The following DPAGT1 variants were observed in gnomAD, a reference collection of about 807,000 sequenced individuals.
DPAGT1 encodes dolichyl-phosphate N-acetylglucosaminephosphotransferase 1.
DPAGT1 carries 25 observed loss-of-function variants against 39.3 expected under a neutral mutation model. That is an observed-to-expected ratio of 0.64 (90% confidence interval 0.46 to 0.89). The LOEUF (loss-of-function observed/expected upper bound fraction) is 0.89. Among genes scored for constraint, DPAGT1 ranks in the 40% least tolerant of loss-of-function variants. DPAGT1 has a pLI of 0.00. For missense variants in DPAGT1, 381 were observed against 500.6 expected (o/e 0.76, Z 2.28); for synonymous variants, 193 against 201.4 (o/e 0.96, Z 0.36).
chr11:119,097,259 A>G lies in DPAGT1; in HGVS notation c.1044T>C (p.Ser348=). ...ESLQLVTVHQ[S]ETEDGEFTEC... Reference sequence around the variant, plus strand: ...CAGTGAATTCACCATCTTCAGTCTCACTCTGGTGTACTGTCACCAGCTGGA... The same window carrying G: ...CAGTGAATTCACCATCTTCAGTCTCGCTCTGGTGTACTGTCACCAGCTGGA... The change falls in exon 8 of 9, where the codon AGT becomes AGC. Residue 348 remains serine, a synonymous_variant. Transcript: ENST00000354202. The surrounding 1 kb of genome is among the most constrained non-coding windows in gnomAD (Gnocchi z 4.6). The G allele has an allele frequency of 6.2e-7, 1 of 1,614,122 alleles. No individual in the cohort carries two copies. The highest frequency in any genetic ancestry group is 8.5e-7 in the Non-Finnish European group (1 of 1,180,028).
intron 4 of DPAGT1, among the ~76,000 whole-genome samples, chr11:119,099,610 G>A (rs1946457674): frequency 1.3e-5 from 2 of 150,674 alleles, no homozygotes; most frequent in Non-Finnish European, 3.0e-5. Context: ...GCAACATGGT[G>A]AAACCCTGTC....
chr11:119,095,582 G>T, downstream of DPAGT1: 1 of 602,002 alleles, frequency 1.7e-6, no homozygotes, highest in Non-Finnish European at 2.7e-6. Context: ...ACCCTTGGGT[G>T]TCGCGGCTCG....
downstream of DPAGT1, chr11:119,094,584 C>T: frequency 5.8e-6 from 1 of 172,118 alleles, no homozygotes; most frequent in Non-Finnish European, 1.2e-5. Flanking sequence ...GATGGGGCGG[C>T]TGAGTCACGA....
chr11:119,099,753 C>T (rs1946460213), intron 4 of DPAGT1, among the ~76,000 whole-genome samples: 1 of 145,750 alleles, frequency 6.9e-6, no homozygotes, highest in Admixed American at 6.9e-5. Context: ...TGCTCTCCAG[C>T]CTGCATGACA....
At chr11:119,093,892 C>T (rs1182881901), downstream of DPAGT1, 2 of 158,188 alleles carry the variant, frequency 1.3e-5, no homozygotes, top group Admixed American at 6.0e-5. Flanking sequence ...AAAAACAATC[C>T]TTTAATAAAA....
At chr11:119,098,346 A>G in intron 5 of DPAGT1, 57 bp downstream of exon 5, 1 of 1,567,610 alleles carries the variant, frequency 6.4e-7, no homozygotes, top group Admixed American at 1.7e-5. Flanking sequence ...GGTTATGATA[A>G]GGGCCATCTT....
rs649870 is a variant in DPAGT1, at chr11:119,100,541, A to G, written c.496+89T>C. On this transcript the variant is annotated intron_variant, in intron 3 of 8. Transcript: ENST00000354202. ...AAGGATCTGGGAAGACACAGAGACA[A>G]AAAAGGAACACTTGGAGGAGAATGT... The G allele has an allele frequency of 0.43, 687,531 of 1,596,144 alleles. 151,361 individuals carry two copies. The highest frequency in any genetic ancestry group is 0.63 in the East Asian group (27,945 of 44,672).
downstream of DPAGT1, chr11:119,094,806 G>T: frequency 2.5e-6 from 2 of 788,902 alleles, no homozygotes; most frequent in East Asian, 2.9e-5. Context: ...GCCGGGCGGC[G>T]AAGGCGGGCG....
At chr11:119,100,485 A>G (rs1946479176) in intron 3 of DPAGT1, 77 bp from the exon 4 acceptor site, 1 of 1,608,652 alleles carries the variant, frequency 6.2e-7, no homozygotes, top group African/African-American at 1.3e-5. Flanking sequence ...AAAAGTGGTG[A>G]GGACGGACGA....
chr11:119,098,520 A>T, intron 4 of DPAGT1, 33 bp from the exon 5 acceptor site: 1 of 1,604,800 alleles, frequency 6.2e-7, no homozygotes, highest in Non-Finnish European at 8.5e-7. Context: ...AGGAAAAGTT[A>T]ATACCCACTT....
downstream of DPAGT1, chr11:119,095,572 A>G: frequency 1.5e-6 from 1 of 655,642 alleles, no homozygotes; most frequent in East Asian, 3.1e-5. Flanking sequence ...GTTGCGGTTA[A>G]CCCTTGGGTG....
chr11:119,101,809 C>G lies in DPAGT1; in HGVS notation c.-154G>C, dbSNP rs746259017. On this transcript the variant is annotated 5_prime_UTR_variant, in exon 1 of 9. Coordinates refer to ENST00000354202, the MANE Select transcript of DPAGT1 (RefSeq NM_001382.4). The stretch of plus-strand genomic sequence containing the variant: ...AAAACCCAGCAACTCTGACTTGAGC[C>G]GCCGTCGGGACACCGGGGAACCTCT... The G allele has an allele frequency of 2.2e-5, 34 of 1,516,086 alleles. No individual in the cohort carries two copies. Among genetic ancestry groups the G allele is most frequent in the Non-Finnish European group, 2.9e-5 (33 of 1,132,922 alleles). The allele number at this position is 1,516,086 out of a possible 1,614,324, so 93.9% of individuals were successfully genotyped here.
In DPAGT1 at chr11:119,098,502, A is replaced by T. The variant is rs749199504; in HGVS notation, c.644-15T>A. On this transcript the variant is annotated splice_polypyrimidine_tract_variant and intron_variant, in intron 4 of 8. Transcript: ENST00000354202. ...CCGACAATCACCTTTGGAAGCAAGG[A>T]AGAAAGAAGGAAAAGTTAATACCCA... 19 of 1,613,538 alleles carry T rather than the reference A, an allele frequency of 1.2e-5. No individual in the cohort carries two copies.
intron 2 of DPAGT1, 24 bp downstream of exon 2, chr11:119,100,993 CA>C: frequency 6.2e-7 from 1 of 1,614,194 alleles, no homozygotes; most frequent in Non-Finnish European, 8.5e-7. Context: ...CAGCCACAGG[CA>C]ATCACCCCCA....
Position 119,097,974 on chromosome 11 carries a change from G to A in DPAGT1, c.798C>T (p.Gly266=). 1 of 1,614,200 alleles carries A rather than the reference G, an allele frequency of 6.2e-7. No homozygotes were observed. Among genetic ancestry groups the A allele is most frequent in the Non-Finnish European group, 8.5e-7 (1 of 1,180,036 alleles). ...YFAGMTFAVV[G]ILGHFSKTML... ...TGGTCTTGCTGAAGTGTCCCAAGAT[G>A]CCCACCACGGCAAAGGTCATGCCAG... The change falls in exon 6 of 9, where the codon GGC becomes GGT. Residue 266 remains glycine, a synonymous_variant. Coordinates refer to ENST00000354202, the MANE Select transcript of DPAGT1 (RefSeq NM_001382.4). The surrounding 1 kb of genome is among the most constrained non-coding windows in gnomAD (Gnocchi z 4.6).
At chr11:119,101,278 G>A in intron 1 of DPAGT1, 140 bp from the exon 2 acceptor site, 2 of 1,378,428 alleles carry the variant, frequency 1.5e-6, no homozygotes, top group East Asian at 4.7e-5. Flanking sequence ...GGCGGAGGGA[G>A]GAAAGCACCA....
chr11:119,099,437 A>G (rs1457514516), intron 4 of DPAGT1, among the ~76,000 whole-genome samples: 3 of 149,632 alleles, frequency 2.0e-5, no homozygotes, highest in African/African-American at 7.3e-5. Flanking sequence ...AAAAAAAAAA[A>G]AAAGAAAAGA....
intron 4 of DPAGT1, among the ~76,000 whole-genome samples, chr11:119,099,770 G>C (rs2134908246): frequency 7.9e-6 from 1 of 125,920 alleles, no homozygotes; most frequent in East Asian, 2.3e-4. Flanking sequence ...GACAGAGGGA[G>C]ACCCTGTCTC....
downstream of DPAGT1, chr11:119,095,309 C>A (rs1161830602): frequency 6.2e-7 from 1 of 1,610,144 alleles, no homozygotes; most frequent in Non-Finnish European, 8.5e-7. Flanking sequence ...GTGTACACGG[C>A]CCACTGGGAA....
Sources: gnomAD v4.1 joint callset for allele counts (sites outside exome capture counted in the v4.1 genomes callset) on GRCh38, gnomAD v4.1.1 for gene constraint, Gnocchi (gnomAD v3.1) non-coding constraint, MANE v1.5 for transcripts, NCBI Gene and HGNC (gene_info 2026-07-23, HGNC 2026-07-21) for gene names.